The following UNC80 variants were observed in gnomAD, a reference collection of about 807,000 sequenced individuals.
The protein encoded by UNC80 is unc-80 subunit of NALCN channel complex, also known as protein unc-80 homolog.
Under a neutral mutation model 384.6 loss-of-function variants are expected in UNC80, and 164 were observed. The observed-to-expected ratio is 0.43, with a 90% CI of 0.38 to 0.49. The LOEUF is 0.49. UNC80 is among the 20% of genes least tolerant of loss of function. UNC80 has a pLI of 0.00. For missense variants in UNC80, 3,330 were observed against 4,143.0 expected (o/e 0.80, Z 5.39); for synonymous variants, 1,486 against 1,527.8 (o/e 0.97, Z 0.64).
At chr2:209,978,487 G>T (rs1426529626) in intron 58 of UNC80, 42 bp from the exon 59 acceptor site, 1 of 1,450,556 alleles carries the variant, frequency 6.9e-7, no homozygotes, top group East Asian at 2.6e-5. Flanking sequence ...GGACATTTAA[G>T]ATTCTCACCA....
At chr2:209,957,846 C>A in intron 49 of UNC80, 110 bp downstream of exon 49, 4 of 940,332 alleles carry the variant, frequency 4.3e-6, no homozygotes, top group Middle Eastern at 2.3e-4. Flanking sequence ...AGTGTGAAAA[C>A]CTCCAAGGAA....
At chr2:209,981,139 C>T (rs1276676172) in intron 59 of UNC80, among the ~76,000 whole-genome samples, 2 of 152,206 alleles carry the variant, frequency 1.3e-5, no homozygotes, top group Admixed American at 1.3e-4. Flanking sequence ...TGGTCTTACA[C>T]AGTAGCACAC....
Position 209,849,595 on chromosome 2 carries a change from C to T in UNC80, c.3599C>T (p.Ala1200Val), listed in dbSNP as rs558443933. ...TGTGAGCCAGGGACAATTCCTGATGCCTCCATCCTAGCAGCTGCCTTGGAT... is the reference window on the plus strand; with the variant it reads ...TGTGAGCCAGGGACAATTCCTGATGTCTCCATCCTAGCAGCTGCCTTGGAT... The part of the protein sequence containing the change: ...NCCEPGTIPD[A>V]SILAAALDLE... The change falls in exon 22 of 65, where the codon GCC becomes GTC. Residue 1200 changes from alanine (A) to valine (V), a missense_variant. Around this residue, in one of 8 missense-constraint regions of UNC80, gnomAD observed 801 missense variants for 950.8 expected, o/e 0.84. Transcript: ENST00000673920. 1 of 1,550,746 alleles carries T rather than the reference C, an allele frequency of 6.4e-7. No individual in the cohort carries two copies. The highest frequency in any genetic ancestry group is 8.7e-7 in the Non-Finnish European group (1 of 1,146,444).
At chr2:209,861,113 C>A (rs2083316126) in intron 22 of UNC80, among the ~76,000 whole-genome samples, 1 of 152,194 alleles carries the variant, frequency 6.6e-6, no homozygotes, top group South Asian at 2.1e-4. Flanking sequence ...AGAGGGCATC[C>A]CTGTCTTGTA....
Position 209,920,880 on chromosome 2 carries a change from C to T in UNC80, c.5344-620C>T, listed in dbSNP as rs112634987. On this transcript the variant is annotated intron_variant, in intron 33 of 64. Coordinates refer to ENST00000673920, the MANE Select transcript of UNC80 (RefSeq NM_001371986.1). ...TCTCGCTCTGTTGCCCAGGCTGGAG[C>T]GCAGTGGTGTGATCCCGGCTCACTG... is the stretch of plus-strand genomic sequence containing the variant. Among the ~76,000 whole-genome samples, 564 of 150,150 alleles carry T rather than the reference C, an allele frequency of 3.8e-3. 3 individuals are homozygous for T. Among genetic ancestry groups the T allele is most frequent in the African/African-American group, 0.013 (533 of 40,838 alleles).
chr2:209,888,526 G>GA (rs1206072208), intron 26 of UNC80, among the ~76,000 whole-genome samples: 1 of 152,100 alleles, frequency 6.6e-6, no homozygotes, highest in Non-Finnish European at 1.5e-5. Flanking sequence ...AATAAGGAAA[G>GA]AAAAATACTC....
rs372379274 is a variant in UNC80, at chr2:209,893,031, T to G, written c.4277-1132T>G. 3.0e-4 allele frequency among the ~76,000 whole-genome samples: 45 copies of G among 152,340 alleles called. No individual in the cohort carries two copies. In the South Asian group the frequency reaches 8.9e-3, roughly 30 times the overall value. The stretch of plus-strand genomic sequence containing the variant: ...AACTTTCACATTATTCAGCAGGAAT[T>G]CTTCTGACCTCCTTTAAATGGCATT... On this transcript the variant is annotated intron_variant, in intron 26 of 64. Coordinates refer to ENST00000673920, the MANE Select transcript of UNC80 (RefSeq NM_001371986.1).
At chr2:209,847,669 A>G (rs1214544319) in intron 21 of UNC80, among the ~76,000 whole-genome samples, 3 of 152,008 alleles carry the variant, frequency 2.0e-5, no homozygotes, top group East Asian at 1.9e-4. Flanking sequence ...GTAGTATTGA[A>G]TACAATTCTT....
intron 13 of UNC80, among the ~76,000 whole-genome samples, chr2:209,825,421 T>C (rs929085752): frequency 1.3e-5 from 2 of 152,172 alleles, no homozygotes; most frequent in Non-Finnish European, 2.9e-5. Flanking sequence ...AGTGAAAGTA[T>C]ACAATTAGAA....
chr2:209,939,019 G>A (rs960674371), intron 42 of UNC80, among the ~76,000 whole-genome samples: 3 of 152,054 alleles, frequency 2.0e-5, no homozygotes, highest in Non-Finnish European at 4.4e-5. Flanking sequence ...TCCCAAGATA[G>A]GGTTTTCCTG....
chr2:209,874,006 G>A (rs1444912478), intron 23 of UNC80, among the ~76,000 whole-genome samples: 1 of 151,712 alleles, frequency 6.6e-6, no homozygotes, highest in Admixed American at 6.6e-5. Flanking sequence ...TGTATGATAT[G>A]TTGGAGTAGA....
At chr2:209,903,057 A>G (rs1351283391) in intron 28 of UNC80, among the ~76,000 whole-genome samples, 1 of 151,822 alleles carries the variant, frequency 6.6e-6, no homozygotes, top group Non-Finnish European at 1.5e-5. Flanking sequence ...CATATAAACT[A>G]TGCACATCCT....
At chr2:209,868,539 T>C (rs1312946885) in intron 22 of UNC80, among the ~76,000 whole-genome samples, 1 of 152,186 alleles carries the variant, frequency 6.6e-6, no homozygotes, top group Non-Finnish European at 1.5e-5. Context: ...CTATCGAAAT[T>C]AGTATCTCAA....
At chr2:209,794,936 T>C (rs1008193693) in intron 7 of UNC80, 2 of 363,672 alleles carry the variant, frequency 5.5e-6, no homozygotes, top group Non-Finnish European at 1.1e-5. Context: ...TTGGTACCAG[T>C]AGAGTGGGGC....
chr2:209,813,730 G>A lies in UNC80; in HGVS notation c.1089G>A (p.Leu363=). ...ATCTACAAAGGCTGCGACACATGTT[G>A]GAAGAGAAGCCAGAAAAGCCTCCGG... The part of the protein sequence containing the change: ...MYYLQRLRHM[L]EEKPEKPPEP... Residue 363 remains leucine (L), a synonymous_variant, in exon 8 of 65, where the codon TTG becomes TTA. Transcript: ENST00000673920. The A allele has an allele frequency of 6.4e-7, 1 of 1,551,762 alleles. No individual in the cohort carries two copies. Among genetic ancestry groups the A allele is most frequent in the Non-Finnish European group, 8.7e-7 (1 of 1,147,012 alleles).
At chr2:209,880,923 G>C in intron 24 of UNC80, 38 bp from the exon 25 acceptor site, 1 of 1,543,402 alleles carries the variant, frequency 6.5e-7, no homozygotes, top group Non-Finnish European at 8.8e-7. Context: ...ATTTTTTGTT[G>C]ATTTGTCTCC....
chr2:209,919,936 C>G (rs1465552766), intron 33 of UNC80, among the ~76,000 whole-genome samples: 1 of 152,172 alleles, frequency 6.6e-6, no homozygotes, highest in Non-Finnish European at 1.5e-5. Context: ...CTTTCTCATT[C>G]CACAGTTCTT....
chr2:209,935,739 A>G lies in UNC80; in HGVS notation c.6204A>G (p.Gly2068=), dbSNP rs2091201204. The change falls in exon 40 of 65, where the codon GGA becomes GGG. Residue 2068 remains glycine, a synonymous_variant. Transcript: ENST00000673920. ...MPGTKTLVVH[G]QNECDIPTQL... ...GTACTAAAACCTTGGTAGTTCATGG[A>G]CAGAATGAGTGCGATATCCCAACCC... 1.3e-6 allele frequency: 2 copies of G among 1,535,458 alleles called. No homozygotes were observed. Among genetic ancestry groups the G allele is most frequent in the Non-Finnish European group, 8.8e-7 (1 of 1,140,934 alleles).
chr2:209,981,441 G>A (rs2093153869), intron 59 of UNC80, among the ~76,000 whole-genome samples: 1 of 152,224 alleles, frequency 6.6e-6, no homozygotes, highest in South Asian at 2.1e-4. Context: ...AGCTGAGTGT[G>A]TTGGTGTGCA....
Sources: gnomAD v4.1 joint callset for allele counts (sites outside exome capture counted in the v4.1 genomes callset) on GRCh38, gnomAD v4.1.1 for gene constraint, gnomAD v4.1.1 regional missense constraint, MANE v1.5 for transcripts, NCBI Gene and HGNC (gene_info 2026-07-23, HGNC 2026-07-21) for gene names.